The following CADPS2 variants were observed in gnomAD, a reference collection of about 807,000 sequenced individuals.
The protein encoded by CADPS2 is calcium-dependent secretion activator 2.
In CADPS2, 93 loss-of-function variants were observed where a neutral mutation model predicts 172.5. That is an observed-to-expected ratio of 0.54 (90% CI 0.46 to 0.64). CADPS2 has a LOEUF of 0.64. Ranked by LOEUF, CADPS2 falls within the 30% of genes least tolerant of loss-of-function variation. The pLI is 0.00. For synonymous variants in CADPS2, 546 were observed against 555.2 expected (o/e 0.98, Z 0.23); for missense variants, 1,420 against 1,565.9 (o/e 0.91, Z 1.57).
chr7:122,461,889 T>C (rs1255602721), intron 14 of CADPS2, among the ~76,000 whole-genome samples: 2 of 152,202 alleles, frequency 1.3e-5, no homozygotes, highest in Non-Finnish European at 2.9e-5. Flanking sequence ...CCACCTCGCC[T>C]GGCCTGCCAA....
At position 122,438,360 on chromosome 7, in the gene CADPS2, T is replaced by A. The variant is rs2074589; in HGVS notation, c.2457A>T (p.Thr819=). 31 of 1,612,590 alleles carry A rather than the reference T, an allele frequency of 1.9e-5. No individual in the cohort carries two copies. Among genetic ancestry groups the A allele is most frequent in the Non-Finnish European group, 2.5e-5 (29 of 1,179,132 alleles). ...KAALINYTRL[T]EYAKIEETMN... The stretch of plus-strand genomic sequence containing the variant: ...ACTGACCTTCTATTTTGGCATATTC[T>A]GTGAGTCTAGTGTAATTGATCAAGG... Residue 819 remains threonine (T), a synonymous_variant, in exon 17 of 30, where the codon ACA becomes ACT. Transcript: ENST00000449022.
At chr7:122,390,175 A>T (rs1215840575) in intron 22 of CADPS2, among the ~76,000 whole-genome samples, 1 of 152,056 alleles carries the variant, frequency 6.6e-6, no homozygotes, top group African/African-American at 2.4e-5. Context: ...CTCCCGTAGC[A>T]CTTTACTCAC....
intron 17 of CADPS2, among the ~76,000 whole-genome samples, chr7:122,420,302 A>G (rs186803452): frequency 1.6e-3 from 250 of 152,314 alleles, no homozygotes; most frequent in Middle Eastern, 3.4e-3. Context: ...ATCAGCTATT[A>G]CATGTGACAC....
chr7:122,361,371 C>A (rs974867283), intron 25 of CADPS2, among the ~76,000 whole-genome samples: 1 of 151,550 alleles, frequency 6.6e-6, no homozygotes, highest in African/African-American at 2.4e-5. Context: ...GTAGCTGGAA[C>A]TACAGGCGTC....
intron 14 of CADPS2, among the ~76,000 whole-genome samples, chr7:122,461,394 C>T (rs1164786700): frequency 1.3e-5 from 2 of 152,046 alleles, no homozygotes; most frequent in Non-Finnish European, 2.9e-5. Flanking sequence ...CACACCTATA[C>T]AATATCATGG....
chr7:122,869,647 G>A (rs2214660), intron 1 of CADPS2, among the ~76,000 whole-genome samples: 15,508 of 151,862 alleles, frequency 0.1, 982 homozygotes, highest in Middle Eastern at 0.15. Context: ...CAAACTCACC[G>A]GTAAAAGTAG....
chr7:122,500,893 C>T (rs532402652), intron 9 of CADPS2, among the ~76,000 whole-genome samples: 1 of 151,984 alleles, frequency 6.6e-6, no homozygotes, highest in Non-Finnish European at 1.5e-5. Context: ...GTATTGTGAA[C>T]TGAAAACTAG....
chr7:122,423,162 C>T (rs1285949191), intron 17 of CADPS2, among the ~76,000 whole-genome samples: 1 of 152,052 alleles, frequency 6.6e-6, no homozygotes, highest in Non-Finnish European at 1.5e-5. Context: ...TCTGACCCTT[C>T]CTCCAGCTCT....
chr7:122,459,125 A>C lies in CADPS2; in HGVS notation c.2187-7650T>G, dbSNP rs889315577. Among the ~76,000 whole-genome samples, 2 of 151,932 alleles carry C rather than the reference A, an allele frequency of 1.3e-5. 1 individual carries two copies. Among genetic ancestry groups the C allele is most frequent in the Admixed American group, 1.3e-4 (2 of 15,240 alleles). On this transcript the variant is annotated intron_variant, in intron 14 of 29. Coordinates refer to ENST00000449022, the MANE Select transcript of CADPS2 (RefSeq NM_017954.11). ...ATAATTTATTTCTCTAACTCTATAG[A>C]TGTATTATACATTCTGATTCATAAT...
intron 6 of CADPS2, among the ~76,000 whole-genome samples, chr7:122,598,516 C>T (rs142757635): frequency 1.3e-5 from 2 of 151,952 alleles, no homozygotes; most frequent in Non-Finnish European, 2.9e-5. Flanking sequence ...GAAAGTGATT[C>T]GTACAATGTC....
chr7:122,541,805 ATTTATATATTCATATG>A (rs58250195), intron 8 of CADPS2, among the ~76,000 whole-genome samples: 27,823 of 110,152 alleles, frequency 0.25, 3,676 homozygotes, highest in East Asian at 0.47. Flanking sequence ...ATTCATATAT[ATTTATATATTCATATG>A]TTTATATATT....
intron 20 of CADPS2, among the ~76,000 whole-genome samples, chr7:122,401,671 T>A (rs2045972602): frequency 6.6e-6 from 1 of 152,218 alleles, no homozygotes; most frequent in Non-Finnish European, 1.5e-5. Context: ...TCAAAAGTGT[T>A]TCCTTAGATA....
intron 2 of CADPS2, among the ~76,000 whole-genome samples, chr7:122,673,600 C>T (rs1189944124): frequency 1.3e-5 from 2 of 152,112 alleles, no homozygotes; most frequent in South Asian, 2.1e-4. Flanking sequence ...TTCTCCAAGT[C>T]CCCACCAGAT....
intron 27 of CADPS2, among the ~76,000 whole-genome samples, chr7:122,348,411 G>A (rs2038014384): frequency 6.6e-6 from 1 of 151,976 alleles, no homozygotes; most frequent in Non-Finnish European, 1.5e-5. Flanking sequence ...CAGATCCAAG[G>A]GATATAATAC....
At chr7:122,650,759 T>C (rs1417035013) in intron 3 of CADPS2, among the ~76,000 whole-genome samples, 6 of 152,208 alleles carry the variant, frequency 3.9e-5, no homozygotes, top group Non-Finnish European at 8.8e-5. Flanking sequence ...AGGAATATGT[T>C]AAAATTACAC....
chr7:122,359,162 C>A (rs1228203859), intron 27 of CADPS2, among the ~76,000 whole-genome samples: 4 of 151,966 alleles, frequency 2.6e-5, no homozygotes, highest in Non-Finnish European at 5.9e-5. Flanking sequence ...ACAACATATG[C>A]CTGTGAATAG....
At chr7:122,684,656 A>G (rs2083436429) in intron 2 of CADPS2, among the ~76,000 whole-genome samples, 2 of 137,102 alleles carry the variant, frequency 1.5e-5, no homozygotes, top group Admixed American at 7.1e-5. Flanking sequence ...AAATACCTCA[A>G]AAAAACCTTT....
At chr7:122,416,738 T>TG (rs1178721218) in intron 17 of CADPS2, among the ~76,000 whole-genome samples, 2 of 152,100 alleles carry the variant, frequency 1.3e-5, no homozygotes, top group African/African-American at 4.8e-5. Flanking sequence ...GAGGGGGTTG[T>TG]GGGGGAGGAA....
At chr7:122,667,201 C>A (rs2081278923) in intron 2 of CADPS2, among the ~76,000 whole-genome samples, 1 of 152,180 alleles carries the variant, frequency 6.6e-6, no homozygotes, top group Admixed American at 6.5e-5. Context: ...AAAACAACCA[C>A]CTTTGAGAAA....
Sources: allele counts gnomAD v4.1 joint callset (sites outside exome capture counted in the v4.1 genomes callset), GRCh38; gene constraint gnomAD v4.1.1; transcripts MANE v1.5; gene names NCBI Gene and HGNC (gene_info 2026-07-23, HGNC 2026-07-21).